Variants in RCAN2 observed in about 807,000 individuals in gnomAD.
RCAN2 encodes regulator of calcineurin 2.
Under a neutral mutation model 23.6 loss-of-function variants are expected in RCAN2, and 9 were observed. The ratio of observed to expected loss-of-function variants is 0.38; its 90% CI spans 0.23 to 0.67. The LOEUF is 0.67. RCAN2 is among the 30% of genes least tolerant of loss of function. The probability of loss-of-function intolerance (pLI) is 0.51; values close to 1 mark genes in which losing one functional copy is unlikely to be tolerated. For synonymous variants in RCAN2, 109 were observed against 115.7 expected, an observed-to-expected ratio of 0.94 and a Z score of 0.37; for missense variants, 273 against 302.3, an observed-to-expected ratio of 0.90 and a Z score of 0.72.
intron 2 of RCAN2, among the ~76,000 whole-genome samples, chr6:46,272,954 G>A (rs547263650): frequency 6.1e-4 from 93 of 152,232 alleles, no homozygotes; most frequent in Admixed American, 1.2e-3. Context: ...CCCTCTAAGC[G>A]TCTTTCATTG....
At chr6:46,389,371 CCTT>C (rs1233822324) in intron 2 of RCAN2, among the ~76,000 whole-genome samples, 1 of 152,200 alleles carries the variant, frequency 6.6e-6, no homozygotes, top group Admixed American at 6.5e-5. Flanking sequence ...TCCTTCCTCT[CCTT>C]CTATTTATTC....
intron 2 of RCAN2, among the ~76,000 whole-genome samples, chr6:46,426,577 C>T (rs1371076140): frequency 6.6e-6 from 1 of 152,040 alleles, no homozygotes; most frequent in African/African-American, 2.4e-5. Context: ...GCTGGCTATG[C>T]AAATACATAC....
At chr6:46,291,440 G>A (rs1350147592) in intron 2 of RCAN2, among the ~76,000 whole-genome samples, 4 of 151,836 alleles carry the variant, frequency 2.6e-5, no homozygotes, top group Non-Finnish European at 4.4e-5. Flanking sequence ...GAGTCCCAGC[G>A]GTGGGAACCA....
chr6:46,418,209 C>A (rs544029532), intron 2 of RCAN2, among the ~76,000 whole-genome samples: 12 of 152,120 alleles, frequency 7.9e-5, no homozygotes, highest in African/African-American at 2.9e-4. Flanking sequence ...GACAAACAAC[C>A]TGAATTTTTA....
chr6:46,342,935 T>C (rs547083116), intron 2 of RCAN2, among the ~76,000 whole-genome samples: 1 of 152,294 alleles, frequency 6.6e-6, no homozygotes, highest in South Asian at 2.1e-4. Flanking sequence ...TAAAGTATTC[T>C]AAATATGTAT....
At chr6:46,419,298 C>T (rs1766802546) in intron 2 of RCAN2, among the ~76,000 whole-genome samples, 1 of 152,154 alleles carries the variant, frequency 6.6e-6, no homozygotes, top group African/African-American at 2.4e-5. Context: ...TAAGGCCCAA[C>T]AACCTTTTTT....
At chr6:46,442,228 T>C (rs540702505) in intron 2 of RCAN2, among the ~76,000 whole-genome samples, 234 of 152,316 alleles carry the variant, frequency 1.5e-3, no homozygotes, top group African/African-American at 5.1e-3. Flanking sequence ...AAAAGTAATG[T>C]TCTTAGGCAA....
At chr6:46,290,021 G>A (rs1174124272) in intron 2 of RCAN2, among the ~76,000 whole-genome samples, 2 of 152,102 alleles carry the variant, frequency 1.3e-5, no homozygotes, top group Admixed American at 6.5e-5. Flanking sequence ...ACTTGGACCC[G>A]CAAGTGGGAC....
chr6:46,383,791 A>G (rs950797081), intron 2 of RCAN2, among the ~76,000 whole-genome samples: 1 of 152,228 alleles, frequency 6.6e-6, no homozygotes, highest in Non-Finnish European at 1.5e-5. Flanking sequence ...TCTGATGGGC[A>G]GTACTATTCT....
At chr6:46,253,999 T>A (rs1029302966) in intron 2 of RCAN2, among the ~76,000 whole-genome samples, 10 of 152,170 alleles carry the variant, frequency 6.6e-5, no homozygotes. Context: ...CACAACGAAA[T>A]CACCTAAGGA....
chr6:46,451,870 T>C (rs2150429436), intron 2 of RCAN2, among the ~76,000 whole-genome samples: 1 of 152,306 alleles, frequency 6.6e-6, no homozygotes, highest in Middle Eastern at 3.4e-3. Context: ...ATATACTCTT[T>C]AATGGTTGGC....
chr6:46,412,032 A>C (rs2150408207), intron 2 of RCAN2, among the ~76,000 whole-genome samples: 1 of 152,300 alleles, frequency 6.6e-6, no homozygotes, highest in Middle Eastern at 3.4e-3. Flanking sequence ...CCAACAGTGG[A>C]AGCAGGAATA....
intron 2 of RCAN2, among the ~76,000 whole-genome samples, chr6:46,425,872 T>C (rs1767016384): frequency 1.3e-5 from 2 of 151,630 alleles, no homozygotes; most frequent in South Asian, 4.2e-4. Context: ...TTTGTTCAGA[T>C]AGAGGCTAAT....
intron 2 of RCAN2, among the ~76,000 whole-genome samples, chr6:46,330,840 G>A (rs758959462): frequency 7.2e-5 from 11 of 152,184 alleles, no homozygotes; most frequent in Admixed American, 3.3e-4. Context: ...TTAGAAACTC[G>A]ACACAGTGTA....
chr6:46,388,726 C>T (rs531524783), intron 2 of RCAN2, among the ~76,000 whole-genome samples: 90 of 152,144 alleles, frequency 5.9e-4, no homozygotes, highest in Non-Finnish European at 1.1e-3. Context: ...CATGTTTTCC[C>T]TCATAAGTGG....
intron 2 of RCAN2, among the ~76,000 whole-genome samples, chr6:46,333,821 G>A (rs1764060091): frequency 2.0e-5 from 3 of 152,170 alleles, no homozygotes; most frequent in African/African-American, 7.2e-5. Context: ...CTTTTCTCCA[G>A]CTAATTCAGA....
chr6:46,226,096 A>G (rs1765654255), intron 4 of RCAN2, among the ~76,000 whole-genome samples: 1 of 152,140 alleles, frequency 6.6e-6, no homozygotes, highest in African/African-American at 2.4e-5. Flanking sequence ...AGATGGTTGT[A>G]GATATGTGGT....
chr6:46,321,173 T>C (rs1489010106), intron 2 of RCAN2, among the ~76,000 whole-genome samples: 1 of 152,194 alleles, frequency 6.6e-6, no homozygotes, highest in Non-Finnish European at 1.5e-5. Flanking sequence ...ATGTTTCCAA[T>C]GGCAATCTTT....
intron 2 of RCAN2, among the ~76,000 whole-genome samples, chr6:46,310,635 G>A (rs1763226272): frequency 6.6e-6 from 1 of 152,042 alleles, no homozygotes; most frequent in Non-Finnish European, 1.5e-5. Flanking sequence ...CCATAGTACT[G>A]GCAAATAAAT....
Sources: gnomAD v4.1 joint callset for allele counts (sites outside exome capture counted in the v4.1 genomes callset) on GRCh38, gnomAD v4.1.1 for gene constraint, MANE v1.5 for transcripts, NCBI Gene and HGNC (gene_info 2026-07-23, HGNC 2026-07-21) for gene names.